FRMPD4: variants seen among roughly 807,000 people sequenced by gnomAD.
The protein encoded by FRMPD4 is FERM and PDZ domain-containing protein 4.
FRMPD4 carries 22 observed loss-of-function variants against 94.1 expected under a neutral mutation model. The ratio of observed to expected loss-of-function variants is 0.23; its 90% CI spans 0.17 to 0.33. The LOEUF is 0.33. FRMPD4 is among the 10% of genes least tolerant of loss of function. The probability of loss-of-function intolerance (pLI) is 1.00; values close to 1 mark genes in which losing one functional copy is unlikely to be tolerated. For synonymous variants in FRMPD4, 631 were observed against 548.6 expected, an observed-to-expected ratio of 1.15 and a Z score of -2.10; for missense variants, 1,111 against 1,339.9, an observed-to-expected ratio of 0.83 and a Z score of 2.67.
At chrX:12,063,795 C>T (rs2054901138) in intron 3 of FRMPD4, among the ~76,000 whole-genome samples, 1 of 112,433 alleles carries the variant, frequency 8.9e-6, no homozygotes, top group Non-Finnish European at 1.9e-5. Flanking sequence ...TTTGACTACC[C>T]TTTCCAATTC....
intron 1 of FRMPD4, among the ~76,000 whole-genome samples, chrX:12,274,101 A>G (rs897613608): frequency 9.2e-6 from 1 of 108,470 alleles, no homozygotes; most frequent in African/African-American, 3.3e-5. Context: ...ACACATTCCT[A>G]TGGGTTCGGG....
At chrX:12,501,707 A>T (rs770709516) in intron 2 of FRMPD4, among the ~76,000 whole-genome samples, 7 of 111,541 alleles carry the variant, frequency 6.3e-5, no homozygotes, top group African/African-American at 2.3e-4. Context: ...CCCCCATCAG[A>T]CAATTGTTTC....
chrX:12,565,367 G>C (rs933370087), intron 2 of FRMPD4, among the ~76,000 whole-genome samples: 2 of 111,695 alleles, frequency 1.8e-5, no homozygotes, highest in Non-Finnish European at 3.8e-5. Flanking sequence ...AACTGAGAAA[G>C]CTGGCAAGCA....
chrX:12,252,812 G>A (rs2054061038), intron 1 of FRMPD4, among the ~76,000 whole-genome samples: 1 of 112,074 alleles, frequency 8.9e-6, no homozygotes. Context: ...GGGCATGTGT[G>A]AGTCAAGTCT....
chrX:12,418,389 C>T (rs184895967), intron 1 of FRMPD4, among the ~76,000 whole-genome samples: 1,671 of 92,194 alleles, frequency 0.018, 47 homozygotes, highest in African/African-American at 0.065. Context: ...GATAGAGTCT[C>T]GCTCTGTTGC....
chrX:12,455,023 A>G (rs1353570973), intron 1 of FRMPD4, among the ~76,000 whole-genome samples: 1 of 110,906 alleles, frequency 9.0e-6, no homozygotes, highest in Non-Finnish European at 1.9e-5. Flanking sequence ...CCATATAGCC[A>G]TTATAAAATT....
At chrX:12,522,368 TTCCCCAGG>T (rs1314688046) in intron 2 of FRMPD4, among the ~76,000 whole-genome samples, 2 of 111,241 alleles carry the variant, frequency 1.8e-5, no homozygotes, top group African/African-American at 6.5e-5. Flanking sequence ...TGAGTTGCTG[TTCCCCAGG>T]TAGACTTTCC....
chrX:12,082,281 T>C (rs1039249705), intron 3 of FRMPD4, among the ~76,000 whole-genome samples: 3 of 111,810 alleles, frequency 2.7e-5, no homozygotes, highest in South Asian at 3.8e-4. Context: ...GGCTGGTCTT[T>C]CCTGTGCTAT....
At chrX:11,885,403 T>C (rs936468498) in intron 3 of FRMPD4, among the ~76,000 whole-genome samples, 4 of 110,237 alleles carry the variant, frequency 3.6e-5, no homozygotes, top group Non-Finnish European at 5.7e-5. Flanking sequence ...GGTGGAAGAA[T>C]GGGGAGTTGT....
intron 1 of FRMPD4, among the ~76,000 whole-genome samples, chrX:11,827,630 C>T (rs1387184256): frequency 3.6e-5 from 4 of 111,559 alleles, no homozygotes; most frequent in African/African-American, 9.8e-5. Context: ...AGCCATTTAG[C>T]GCCTGAATAA....
chrX:12,488,597 T>C (rs760190342), intron 1 of FRMPD4, among the ~76,000 whole-genome samples: 1 of 107,180 alleles, frequency 9.3e-6, no homozygotes, highest in South Asian at 4.4e-4. Flanking sequence ...TATAATGTTC[T>C]ATCTTTGGGT....
At chrX:12,194,604 T>G (rs758348776) in intron 1 of FRMPD4, among the ~76,000 whole-genome samples, 73 of 111,618 alleles carry the variant, frequency 6.5e-4, no homozygotes, top group Non-Finnish European at 1.1e-3. Flanking sequence ...ATTTGGGTGT[T>G]TTGTGTATGA....
chrX:12,438,859 G>A (rs754823446), intron 1 of FRMPD4, among the ~76,000 whole-genome samples: 1 of 111,316 alleles, frequency 9.0e-6, no homozygotes, highest in South Asian at 3.9e-4. Flanking sequence ...GGAACACTGT[G>A]AGGTAGAAAC....
chrX:12,196,130 C>A (rs190182536), intron 1 of FRMPD4, among the ~76,000 whole-genome samples: 10 of 112,024 alleles, frequency 8.9e-5, no homozygotes, highest in Admixed American at 2.8e-4. Flanking sequence ...CTTGAAATGA[C>A]CTCATTTCTA....
At chrX:12,686,003 C>A in intron 6 of FRMPD4, 94 bp from the exon 7 acceptor site, 1 of 413,597 alleles carries the variant, frequency 2.4e-6, no homozygotes, top group Non-Finnish European at 4.3e-6. Flanking sequence ...TTTTTTAATG[C>A]CATGCTTAGA....
At chrX:12,507,145 G>A (rs1478192919) in intron 2 of FRMPD4, among the ~76,000 whole-genome samples, 1 of 112,331 alleles carries the variant, frequency 8.9e-6, no homozygotes, top group South Asian at 3.7e-4. Flanking sequence ...TTAGCAAAGA[G>A]GAATGATTGC....
At chrX:11,948,196 T>C (rs2054200625) in intron 3 of FRMPD4, among the ~76,000 whole-genome samples, 1 of 110,708 alleles carries the variant, frequency 9.0e-6, no homozygotes, top group Admixed American at 9.7e-5. Context: ...TGTTCTTTGG[T>C]GTTGTGGACT....
chrX:11,835,157 A>G (rs2053494779), intron 1 of FRMPD4, among the ~76,000 whole-genome samples: 1 of 111,747 alleles, frequency 8.9e-6, no homozygotes, highest in Non-Finnish European at 1.9e-5. Context: ...CTGACCACTG[A>G]CTTCATTACA....
At chrX:11,847,717 C>T (rs774547300) in intron 1 of FRMPD4, among the ~76,000 whole-genome samples, 2 of 109,707 alleles carry the variant, frequency 1.8e-5, no homozygotes, top group South Asian at 3.9e-4. Flanking sequence ...AAATGATGAG[C>T]TAATGTCCTT....
Sources: allele counts gnomAD v4.1 joint callset (sites outside exome capture counted in the v4.1 genomes callset), GRCh38; gene constraint gnomAD v4.1.1; transcripts MANE v1.5; gene names NCBI Gene and HGNC (gene_info 2026-07-23, HGNC 2026-07-21).